Variants in NONO observed in about 807,000 individuals in gnomAD.
The protein encoded by NONO is non-POU domain containing octamer binding, also known as non-POU domain-containing octamer-binding protein.
Under a neutral mutation model 40.2 loss-of-function variants are expected in NONO, and 6 were observed. The observed-to-expected ratio is 0.15, with a 90% CI of 0.08 to 0.29. The LOEUF (loss-of-function observed/expected upper bound fraction) is 0.29. Ranked by LOEUF, NONO falls within the 10% of genes least tolerant of loss-of-function variation. NONO has a pLI of 1.00. For missense variants in NONO, 133 were observed against 397.8 expected (o/e 0.33, Z 5.66); for synonymous variants, 89 against 123.3 (o/e 0.72, Z 1.85).
intron 2 of NONO, among the ~76,000 whole-genome samples, chrX:71,289,723 T>C (rs1008626679): frequency 2.3e-4 from 26 of 111,801 alleles, no homozygotes; most frequent in Admixed American, 2.0e-3. Flanking sequence ...AGCTCCAGCC[T>C]CCTGAGTAGC....
intron 1 of NONO, 74 bp downstream of exon 1, chrX:71,283,795 G>T (rs1465032288): frequency 9.0e-6 from 1 of 111,505 alleles, no homozygotes; most frequent in African/African-American, 3.3e-5. Flanking sequence ...GAAGGAAGAG[G>T]CTAGGGCGAA....
chrX:71,287,544 A>C (rs771573194), intron 2 of NONO, among the ~76,000 whole-genome samples: 2 of 104,072 alleles, frequency 1.9e-5, no homozygotes, highest in African/African-American at 7.2e-5. Context: ...CACCCGGCTA[A>C]TTTTTTTGTA....
chrX:71,283,842 C>T (rs1159265150), intron 1 of NONO, 121 bp downstream of exon 1: 2 of 111,857 alleles, frequency 1.8e-5, no homozygotes. Context: ...TCCGAGGCCC[C>T]TTGAGGCCTT....
In NONO at chrX:71,300,274, G is replaced by A. The variant is rs2031550444; in HGVS notation, c.*198G>A. 1.3e-5 allele frequency: 6 copies of A among 446,153 alleles called. No homozygotes were observed. The highest frequency in any genetic ancestry group is 1.2e-5 in the Non-Finnish European group (3 of 259,199). The allele number at this position is 446,153 out of a possible 1,213,427, so 36.8% of individuals were successfully genotyped here. On this transcript the variant is annotated 3_prime_UTR_variant, in exon 12 of 12. Coordinates refer to ENST00000276079, the MANE Select transcript of NONO (RefSeq NM_007363.5). The stretch of plus-strand genomic sequence containing the variant: ...ACAAGTCAATTCTGTGTGGTATATT[G>A]TTTAATCAGTTCTGTGTGGTGCATT...
At chrX:71,288,869 C>G (rs960372000) in intron 2 of NONO, among the ~76,000 whole-genome samples, 1 of 112,086 alleles carries the variant, frequency 8.9e-6, no homozygotes, top group African/African-American at 3.2e-5. Flanking sequence ...GCTGAAGAAA[C>G]AGGTACAGAG....
At chrX:71,297,081 G>A (rs374749336) in intron 7 of NONO, 34 bp downstream of exon 7, 1 of 1,085,117 alleles carries the variant, frequency 9.2e-7, no homozygotes, top group South Asian at 2.2e-5. Flanking sequence ...AAAGCTGAAA[G>A]GACAAAATGA....
intron 7 of NONO, 127 bp from the exon 8 acceptor site, chrX:71,297,250 G>C: frequency 2.8e-6 from 2 of 712,008 alleles, no homozygotes; most frequent in Admixed American, 7.3e-5. Flanking sequence ...CTTCATTTTG[G>C]AATCTGGACA....
chrX:71,293,114 A>G (rs1472087525), intron 4 of NONO: 1 of 112,880 alleles, frequency 8.9e-6, no homozygotes, highest in African/African-American at 3.2e-5. Flanking sequence ...GGAAGAGAAT[A>G]ATGTGACAGC....
At chrX:71,291,729 CTA>C in intron 3 of NONO, 48 bp from the exon 4 acceptor site, 1 of 953,209 alleles carries the variant, frequency 1.0e-6, no homozygotes, top group Non-Finnish European at 1.4e-6. Flanking sequence ...GAGGATACGA[CTA>C]TAATTCTATT....
At chrX:71,292,635 A>G (rs1479060859) in intron 4 of NONO, 3 of 111,774 alleles carry the variant, frequency 2.7e-5, no homozygotes, top group Non-Finnish European at 3.8e-5. Flanking sequence ...CCCTTTCCCT[A>G]TTTTGTCCCC....
intron 4 of NONO, 116 bp from the exon 5 acceptor site, chrX:71,294,111 T>C (rs965294319): frequency 2.7e-6 from 2 of 742,883 alleles, no homozygotes; most frequent in African/African-American, 4.3e-5. Flanking sequence ...TCTGTTTCTT[T>C]GTATGGTTGT....
At position 71,283,690 on chromosome X, in the gene NONO, C is replaced by G. The variant is rs2031123219; in HGVS notation, c.-98C>G. ...GACGGGAGAGGCCGTGTAGCGTCGC[C>G]GTTACTCCGAGGAGATACCAGTCGG... is the stretch of plus-strand genomic sequence containing the variant. On this transcript the variant is annotated 5_prime_UTR_variant, in exon 1 of 12. Transcript: ENST00000276079. 9.0e-6 allele frequency: 1 copy of G among 111,232 alleles called. No individual in the cohort carries two copies. Among genetic ancestry groups the G allele is most frequent in the Admixed American group, 9.6e-5 (1 of 10,411 alleles). The allele number at this position is 111,232 out of a possible 1,213,427, so 9.2% of individuals were successfully genotyped here. A position where few individuals can be genotyped will look rare whatever the true frequency, so the allele number is the denominator to read the frequency against.
At chrX:71,287,031 GTTACCAA>G (rs1278676540) in intron 2 of NONO, among the ~76,000 whole-genome samples, 3 of 112,139 alleles carry the variant, frequency 2.7e-5, no homozygotes, top group Admixed American at 1.9e-4. Context: ...AAAATCAATA[GTTACCAA>G]GCCTTTGTCG....
intron 2 of NONO, chrX:71,284,985 G>A (rs1180358093): frequency 8.9e-6 from 1 of 112,454 alleles, no homozygotes; most frequent in Non-Finnish European, 1.9e-5. Flanking sequence ...TCTTTTCAGA[G>A]GCCCAGTATT....
intron 2 of NONO, among the ~76,000 whole-genome samples, chrX:71,285,524 A>C (rs1406357651): frequency 9.0e-6 from 1 of 111,686 alleles, no homozygotes; most frequent in Admixed American, 9.6e-5. Flanking sequence ...ATAAAGCTGA[A>C]AGCCAGAAGA....
intron 4 of NONO, among the ~76,000 whole-genome samples, chrX:71,293,789 G>A (rs892966187): frequency 9.1e-6 from 1 of 109,795 alleles, no homozygotes; most frequent in Non-Finnish European, 1.9e-5. Context: ...GTGCCACTGC[G>A]CCTGGCTAAT....
At chrX:71,290,893 T>C (rs764226657) in intron 3 of NONO, 102 bp downstream of exon 3, 13 of 890,081 alleles carry the variant, frequency 1.5e-5, no homozygotes, top group African/African-American at 2.1e-5. Context: ...TAGGCCTTTA[T>C]GGCACACCTT....
rs2031123987 is a variant in NONO at position 71,283,706 on chromosome X, T to C, written c.-82T>C. The C allele has an allele frequency of 9.0e-6, 1 of 111,273 alleles. No individual in the cohort carries two copies. The highest frequency in any genetic ancestry group is 3.3e-5 in the African/African-American group (1 of 30,503). The allele number at this position is 111,273 out of a possible 1,213,427, so 9.2% of individuals were successfully genotyped here. A position where few individuals can be genotyped will look rare whatever the true frequency, so the allele number is the denominator to read the frequency against. On this transcript the variant is annotated 5_prime_UTR_variant, in exon 1 of 12. Coordinates refer to ENST00000276079, the MANE Select transcript of NONO (RefSeq NM_007363.5). The stretch of plus-strand genomic sequence containing the variant: ...TAGCGTCGCCGTTACTCCGAGGAGA[T>C]ACCAGTCGGTAGAGGGTGAGTTTTG...
chrX:71,289,393 G>A (rs1043544211), intron 2 of NONO, among the ~76,000 whole-genome samples: 1 of 110,512 alleles, frequency 9.0e-6, no homozygotes, highest in Non-Finnish European at 1.9e-5. Flanking sequence ...CTGAGTTCAC[G>A]CCATTCTCTT....
Sources: allele counts gnomAD v4.1 joint callset (sites outside exome capture counted in the v4.1 genomes callset), GRCh38; gene constraint gnomAD v4.1.1; transcripts MANE v1.5; gene names NCBI Gene and HGNC (gene_info 2026-07-23, HGNC 2026-07-21).